Variants in GRID2 observed in about 807,000 individuals in gnomAD.
GRID2 encodes glutamate ionotropic receptor delta type subunit 2, also known as glutamate receptor ionotropic, delta-2.
A neutral mutation model predicts 114.8 loss-of-function variants in GRID2; 33 were observed. The ratio of observed to expected loss-of-function variants is 0.29; its 90% confidence interval spans 0.22 to 0.38. The LOEUF is 0.38. Ranked by LOEUF, GRID2 falls within the 10% of genes least tolerant of loss-of-function variation. GRID2 has a pLI of 1.00. For missense variants in GRID2, 1,184 were observed against 1,257.7 expected (o/e 0.94, Z 0.89); for synonymous variants, 505 against 449.9 (o/e 1.12, Z -1.55).
At chr4:93,042,268 TCTCTCTTTCTC>T (rs1725600145) in intron 2 of GRID2, among the ~76,000 whole-genome samples, 1 of 81,890 alleles carries the variant, frequency 1.2e-5, no homozygotes, top group African/African-American at 5.1e-5. Context: ...TCTCTCTCTC[TCTCTCTTTCTC>T]TCTCTCTCTC....
intron 2 of GRID2, among the ~76,000 whole-genome samples, chr4:92,956,362 A>T (rs77581692): frequency 0.016 from 2,390 of 152,270 alleles, 23 homozygotes; most frequent in East Asian, 0.053. Flanking sequence ...TTCACCACTC[A>T]AAATCCTCTG....
Position 93,110,888 on chromosome 4 carries a change from C to G in GRID2, c.670C>G (p.Arg224Gly). The part of the protein sequence containing the change: ...TMRIEELNRY[R>G]DTLRRAILVM... Reference sequence around the variant, plus strand: ...GAGAATAGAAGAACTGAATCGCTATCGAGACACTCTTAGGCGAGCGATCCT... The same window carrying G: ...GAGAATAGAAGAACTGAATCGCTATGGAGACACTCTTAGGCGAGCGATCCT... Residue 224 changes from arginine to glycine, a missense_variant, in exon 4 of 16, where the codon CGA becomes GGA. Arg to Gly is a moderately radical substitution (Grantham distance 125). Around this residue, in one of 3 missense-constraint regions of GRID2, gnomAD observed 455 missense variants for 429.5 expected, o/e 1.06. Coordinates refer to ENST00000282020, the MANE Select transcript of GRID2 (RefSeq NM_001510.4). 1 of 1,612,578 alleles carries G rather than the reference C, an allele frequency of 6.2e-7. No homozygotes were observed. The highest frequency in any genetic ancestry group is 1.1e-5 in the South Asian group (1 of 91,048).
chr4:93,674,073 G>A (rs1724650804), intron 14 of GRID2, among the ~76,000 whole-genome samples: 1 of 151,308 alleles, frequency 6.6e-6, no homozygotes, highest in African/African-American at 2.4e-5. Flanking sequence ...CTTCTGTTTT[G>A]AAGCTTTGGC....
intron 3 of GRID2, among the ~76,000 whole-genome samples, chr4:93,090,003 T>A (rs1730640787): frequency 6.6e-6 from 1 of 152,168 alleles, no homozygotes; most frequent in Admixed American, 6.6e-5. Context: ...CTAATAAGAA[T>A]TCCTGTTTTC....
intron 2 of GRID2, among the ~76,000 whole-genome samples, chr4:92,621,069 T>C (rs1161573527): frequency 6.6e-6 from 1 of 151,486 alleles, no homozygotes; most frequent in Non-Finnish European, 1.5e-5. Flanking sequence ...ACTTTTAAGT[T>C]GAGGGGTACA....
chr4:92,453,533 A>G (rs1005416951), intron 1 of GRID2, among the ~76,000 whole-genome samples: 4 of 152,190 alleles, frequency 2.6e-5, no homozygotes, highest in Admixed American at 1.3e-4. Flanking sequence ...TTTTTAATGT[A>G]CATGTTGAAA....
chr4:93,010,713 T>C (rs1722047222), intron 2 of GRID2, among the ~76,000 whole-genome samples: 1 of 152,228 alleles, frequency 6.6e-6, no homozygotes, highest in South Asian at 2.1e-4. Flanking sequence ...CCAGAGGATT[T>C]TTTTTAAAAT....
In GRID2 at chr4:92,835,777, A is replaced by C. The variant is rs530305323; in HGVS notation, c.244+245491A>C. Reference sequence around the variant, plus strand: ...TGTATGCATACATATAAACCTTAAAAAATTGTTTTAATGGTAATGAGTGTA... The same window carrying C: ...TGTATGCATACATATAAACCTTAAACAATTGTTTTAATGGTAATGAGTGTA... On this transcript the variant is annotated intron_variant, in intron 2 of 15. Transcript: ENST00000282020. Among the ~76,000 whole-genome samples, 7 of 152,274 alleles carry C rather than the reference A, an allele frequency of 4.6e-5. No individual in the cohort carries two copies. The South Asian group carries it at 1.2e-3, about 27-fold the overall frequency.
At chr4:92,890,493 C>CA (rs1354043430) in intron 2 of GRID2, among the ~76,000 whole-genome samples, 3 of 151,174 alleles carry the variant, frequency 2.0e-5, no homozygotes, top group African/African-American at 7.3e-5. Flanking sequence ...TTTATGTGGC[C>CA]AAAAAACATA....
chr4:92,311,161 T>C (rs1467557635), intron 1 of GRID2, among the ~76,000 whole-genome samples: 1 of 152,104 alleles, frequency 6.6e-6, no homozygotes, highest in African/African-American at 2.4e-5. Flanking sequence ...AATAGTCTTA[T>C]GTATCAACTA....
intron 14 of GRID2, among the ~76,000 whole-genome samples, chr4:93,670,949 A>G (rs565046497): frequency 2.0e-5 from 3 of 152,294 alleles, no homozygotes; most frequent in East Asian, 1.9e-4. Context: ...CAAACATTCT[A>G]TATGTGTACA....
chr4:92,693,451 G>A (rs1249927788), intron 2 of GRID2, among the ~76,000 whole-genome samples: 1 of 152,138 alleles, frequency 6.6e-6, no homozygotes, highest in Non-Finnish European at 1.5e-5. Context: ...TTGGGAAATG[G>A]TTTACATACT....
chr4:93,095,041 GAAAAC>G (rs1321985527), intron 3 of GRID2, among the ~76,000 whole-genome samples: 4 of 151,596 alleles, frequency 2.6e-5, no homozygotes, highest in Admixed American at 2.0e-4. Context: ...AAATAAAACA[GAAAAC>G]AAAATGAGAA....
At chr4:92,792,503 A>ACACACACT (rs1414040335) in intron 2 of GRID2, among the ~76,000 whole-genome samples, 113 of 135,938 alleles carry the variant, frequency 8.3e-4, no homozygotes, top group African/African-American at 2.5e-3. Context: ...ACACACACAC[A>ACACACACT]CTGTCACTCT....
chr4:93,060,698 CTTTG>C (rs1727703542), intron 2 of GRID2, among the ~76,000 whole-genome samples: 1 of 152,024 alleles, frequency 6.6e-6, no homozygotes, highest in African/African-American at 2.4e-5. Context: ...TTCCTAATGA[CTTTG>C]TTTTAGTTTG....
At chr4:92,337,847 C>T (rs550965266) in intron 1 of GRID2, among the ~76,000 whole-genome samples, 11 of 152,284 alleles carry the variant, frequency 7.2e-5, no homozygotes, top group African/African-American at 2.4e-4. Flanking sequence ...CAGATTCCAA[C>T]GAGGTATCTG....
intron 14 of GRID2, among the ~76,000 whole-genome samples, chr4:93,637,779 A>G (rs1261922323): frequency 6.6e-6 from 1 of 152,128 alleles, no homozygotes; most frequent in Non-Finnish European, 1.5e-5. Context: ...TTAAGACTCT[A>G]CTTAATCAAA....
At position 92,803,890 on chromosome 4, in the gene GRID2, C is replaced by G. The variant is rs190234016; in HGVS notation, c.244+213604C>G. Among the ~76,000 whole-genome samples the G allele has an allele frequency of 1.4e-3, 216 of 152,118 alleles. No individual in the cohort carries two copies. In the Middle Eastern group the frequency reaches 0.017, roughly 12 times the overall value. ...GGCAAGAAGTCTGAAATCAGGATGT[C>G]AGTAGAGTCATGCTCTCTCCAAAGG... On this transcript the variant is annotated intron_variant, in intron 2 of 15. Coordinates refer to ENST00000282020, the MANE Select transcript of GRID2 (RefSeq NM_001510.4).
At chr4:93,294,996 G>A (rs1266189196) in intron 8 of GRID2, among the ~76,000 whole-genome samples, 8 of 152,286 alleles carry the variant, frequency 5.3e-5, no homozygotes, top group African/African-American at 1.9e-4. Context: ...ATCCTGGCCT[G>A]AGCAACAGGA....
Sources: allele counts gnomAD v4.1 joint callset (sites outside exome capture counted in the v4.1 genomes callset), GRCh38; gene constraint gnomAD v4.1.1; regional missense constraint gnomAD v4.1.1; transcripts MANE v1.5; gene names NCBI Gene and HGNC (gene_info 2026-07-23, HGNC 2026-07-21).